The following GSE1 variants were observed in gnomAD, a reference collection of about 807,000 sequenced individuals.
GSE1 encodes Gse1 coiled-coil protein.
GSE1 carries 32 observed loss-of-function variants against 112.6 expected under a neutral mutation model. The observed-to-expected ratio is 0.28, with a 90% confidence interval of 0.21 to 0.38. The LOEUF (loss-of-function observed/expected upper bound fraction) is 0.38. GSE1 is among the 10% of genes least tolerant of loss of function. GSE1 has a pLI of 1.00. For synonymous variants in GSE1, 1,115 were observed against 735.6 expected, an observed-to-expected ratio of 1.52 and a Z score of -8.35; for missense variants, 2,348 against 1,699.2, an observed-to-expected ratio of 1.38 and a Z score of -6.71.
chr16:85,652,558 G>GGCGGCGGCGGCA (rs1385185452), intron 3 of GSE1, among the ~76,000 whole-genome samples: 3 of 152,110 alleles, frequency 2.0e-5, no homozygotes, highest in East Asian at 3.9e-4. Context: ...CGGCGGCGGC[G>GGCGGCGGCGGCA]GCGGCGGCTC....
At chr16:85,186,388 A>C (rs1310029739) in intron 1 of GSE1, among the ~76,000 whole-genome samples, 1 of 152,128 alleles carries the variant, frequency 6.6e-6, no homozygotes, top group East Asian at 1.9e-4. Context: ...GTGGATCATG[A>C]GGTCAGAAGA....
chr16:85,191,967 A>T (rs2074832684), intron 1 of GSE1, among the ~76,000 whole-genome samples: 1 of 152,170 alleles, frequency 6.6e-6, no homozygotes. Context: ...ACCAAGGAGG[A>T]CAAGGGCAGC....
At chr16:85,307,859 G>T (rs866842398) in intron 1 of GSE1, among the ~76,000 whole-genome samples, 2 of 152,332 alleles carry the variant, frequency 1.3e-5, no homozygotes, top group South Asian at 4.1e-4. Flanking sequence ...AGGGCCTAGA[G>T]GTGACCGCCC....
At chr16:85,329,997 C>T (rs987434994) in intron 1 of GSE1, among the ~76,000 whole-genome samples, 1 of 152,104 alleles carries the variant, frequency 6.6e-6, no homozygotes, top group African/African-American at 2.4e-5. Context: ...TTATTTTCTG[C>T]CCCCTGGCAG....
chr16:85,365,210 C>T (rs957581847), intron 2 of GSE1, among the ~76,000 whole-genome samples: 10 of 152,234 alleles, frequency 6.6e-5, no homozygotes, highest in Non-Finnish European at 8.8e-5. Context: ...TCCTCACACC[C>T]GCCCCCAGTA....
At chr16:85,497,162 G>A (rs562024244) in intron 2 of GSE1, among the ~76,000 whole-genome samples, 1 of 152,226 alleles carries the variant, frequency 6.6e-6, no homozygotes, top group Non-Finnish European at 1.5e-5. Flanking sequence ...GCCTCCCAAA[G>A]TGCTGGGATT....
chr16:85,656,526 G>T lies in GSE1; in HGVS notation c.1173G>T (p.Gln391His), dbSNP rs761026563. The change falls in exon 7 of 16, where the codon CAG becomes CAT. Residue 391 changes from glutamine (Q) to histidine (H), a missense_variant. Physicochemically the swap from Gln to His is conservative, Grantham distance 24. Coordinates refer to ENST00000253458, the MANE Select transcript of GSE1 (RefSeq NM_014615.5). ...GCGAGCTGGAGCGCCAGCGGGAGCA[G>T]CGGGCCCGGGAGAAGGAGCTGCTGG... is the stretch of plus-strand genomic sequence containing the variant. ...RERELERQRE[Q>H]RAREKELLAA... 5.2e-6 allele frequency: 8 copies of T among 1,549,204 alleles called. No individual in the cohort carries two copies. The highest frequency in any genetic ancestry group is 6.1e-6 in the Non-Finnish European group (7 of 1,146,662).
At chr16:85,321,617 CAG>C (rs2046108509) in intron 1 of GSE1, among the ~76,000 whole-genome samples, 1 of 151,884 alleles carries the variant, frequency 6.6e-6, no homozygotes, top group East Asian at 1.9e-4. Context: ...GCCTGGGTGA[CAG>C]AGCAAGAGCC....
chr16:85,325,814 T>G (rs1431391020), intron 1 of GSE1, among the ~76,000 whole-genome samples: 2 of 150,266 alleles, frequency 1.3e-5, no homozygotes, highest in Admixed American at 6.7e-5. Context: ...TGGAATGCAG[T>G]GGCACGATCT....
chr16:85,652,539 G>T (rs34341288), intron 3 of GSE1, among the ~76,000 whole-genome samples: 1 of 142,036 alleles, frequency 7.0e-6, no homozygotes, highest in East Asian at 2.4e-4. Context: ...TCTCATTGAA[G>T]ATTCCAGGCG....
chr16:85,633,031 T>A (rs865959396), intron 1 of GSE1, among the ~76,000 whole-genome samples: 1 of 100,448 alleles, frequency 1.0e-5, no homozygotes, highest in Non-Finnish European at 2.2e-5. Context: ...CCGCCGCCGC[T>A]GTCACCACTG....
chr16:85,311,273 G>C lies in GSE1; in HGVS notation c.2284-46190G>C, dbSNP rs1443237119. 1.3e-5 allele frequency among the ~76,000 whole-genome samples: 2 copies of C among 152,228 alleles called. No homozygotes were observed. The highest frequency in any genetic ancestry group is 6.5e-5 in the Admixed American group (1 of 15,290). ...GGCAGAGCCTAGCCACGGAGAGAGG[G>C]TGTGCCATCCTCTCTGCCAGGCAGC... On this transcript the variant is annotated intron_variant, in intron 1 of 2. Transcript: ENST00000637419. The surrounding 1 kb of genome is among the most constrained non-coding windows in gnomAD (Gnocchi z 4.2).
At chr16:85,586,787 G>A (rs866071873) in intron 1 of GSE1, among the ~76,000 whole-genome samples, 11 of 152,196 alleles carry the variant, frequency 7.2e-5, no homozygotes, top group Non-Finnish European at 1.6e-4. Flanking sequence ...GGAGCCGGTG[G>A]GCTCTCCTCC....
In GSE1 at chr16:85,634,004, C is replaced by T. The variant is rs751194039; in HGVS notation, c.98C>T (p.Pro33Leu). The T allele has an allele frequency of 3.6e-5, 58 of 1,612,592 alleles. No homozygotes were observed. Among genetic ancestry groups the T allele is most frequent in the Non-Finnish European group, 4.0e-5 (47 of 1,179,626 alleles). ...ACCGTCAACCCCCTCACCCCCTCGC[C>T]GCTCAATGGCGCCCTGGTGCCCAGC... The part of the protein sequence containing the change: ...TATVNPLTPS[P>L]LNGALVPSGS... The change falls in exon 2 of 16, where the codon CCG becomes CTG. Residue 33 changes from proline (P) to leucine (L), a missense_variant. Transcript: ENST00000253458.
At chr16:85,569,355 C>T (rs1179843925) in intron 1 of GSE1, among the ~76,000 whole-genome samples, 1 of 152,180 alleles carries the variant, frequency 6.6e-6, no homozygotes, top group East Asian at 1.9e-4. Context: ...GTAGCTGAGC[C>T]CCTGGGCCTG....
intron 2 of GSE1, among the ~76,000 whole-genome samples, chr16:85,434,345 A>AATC (rs1555511267): frequency 1.4e-5 from 2 of 143,460 alleles, no homozygotes; most frequent in African/African-American, 5.1e-5. Flanking sequence ...TAATAATAAT[A>AATC]ATCAGTGCCG....
chr16:85,612,128 G>A (rs1290444261), upstream of GSE1, among the ~76,000 whole-genome samples: 1 of 151,978 alleles, frequency 6.6e-6, no homozygotes, highest in African/African-American at 2.4e-5. Context: ...GCCGCCCGGG[G>A]GGGTTACAGC....
intron 2 of GSE1, among the ~76,000 whole-genome samples, chr16:85,455,526 G>C (rs1162134477): frequency 6.6e-6 from 1 of 152,248 alleles, no homozygotes; most frequent in Non-Finnish European, 1.5e-5. Context: ...TCAGGCCGGT[G>C]TGGGTTTATA....
chr16:85,588,946 C>T (rs998442818), intron 1 of GSE1, among the ~76,000 whole-genome samples: 6 of 152,092 alleles, frequency 3.9e-5, no homozygotes, highest in Admixed American at 2.6e-4. Context: ...TTCACACTCA[C>T]ACATATTCAC....
Sources: allele counts gnomAD v4.1 joint callset (sites outside exome capture counted in the v4.1 genomes callset), GRCh38; gene constraint gnomAD v4.1.1; non-coding constraint Gnocchi (gnomAD v3.1); transcripts MANE v1.5; gene names NCBI Gene and HGNC (gene_info 2026-07-23, HGNC 2026-07-21).